Variants in FSTL5 observed in about 807,000 individuals in gnomAD.
FSTL5 encodes the protein follistatin-related protein 5.
FSTL5 carries 62 observed loss-of-function variants against 89.1 expected under a neutral mutation model. The observed-to-expected ratio is 0.70, with a 90% CI of 0.57 to 0.86. The LOEUF (loss-of-function observed/expected upper bound fraction) is 0.86. Ranked by LOEUF, FSTL5 falls within the 40% of genes least tolerant of loss-of-function variation. FSTL5 has a pLI of 0.00. For missense variants in FSTL5, 1,057 were observed against 1,001.6 expected, an observed-to-expected ratio of 1.06 and a Z score of -0.75; for synonymous variants, 383 against 346.2, an observed-to-expected ratio of 1.11 and a Z score of -1.18.
chr4:161,642,992 A>T (rs1209247062), intron 7 of FSTL5, among the ~76,000 whole-genome samples: 3 of 152,166 alleles, frequency 2.0e-5, no homozygotes, highest in African/African-American at 7.2e-5. Flanking sequence ...AATTAGAAAA[A>T]ATCAATTTAA....
chr4:161,741,913 A>G (rs751093643), intron 6 of FSTL5, among the ~76,000 whole-genome samples: 6 of 151,954 alleles, frequency 3.9e-5, no homozygotes, highest in African/African-American at 9.7e-5. Context: ...TGATTTTTTA[A>G]TAAGTAGGCA....
At chr4:161,802,540 C>T (rs1729830828) in intron 4 of FSTL5, among the ~76,000 whole-genome samples, 1 of 151,646 alleles carries the variant, frequency 6.6e-6, no homozygotes, top group South Asian at 2.1e-4. Context: ...CTTCCTAAGT[C>T]TGTATATTTC....
At chr4:161,758,576 TGGC>T (rs748832687) in intron 6 of FSTL5, among the ~76,000 whole-genome samples, 33 of 152,154 alleles carry the variant, frequency 2.2e-4, no homozygotes, top group Non-Finnish European at 4.1e-4. Flanking sequence ...TGGACTGCAA[TGGC>T]GCCATCTTGG....
chr4:161,417,499 T>C (rs779345180), intron 15 of FSTL5, among the ~76,000 whole-genome samples: 11 of 152,242 alleles, frequency 7.2e-5, no homozygotes, highest in South Asian at 2.1e-4. Flanking sequence ...CCTCTTTTCA[T>C]AGTGTGCTGT....
chr4:161,980,438 T>C (rs965050568), intron 3 of FSTL5, among the ~76,000 whole-genome samples: 3 of 152,138 alleles, frequency 2.0e-5, no homozygotes, highest in African/African-American at 7.2e-5. Context: ...CCCTGGCACA[T>C]GTTCTTTTGT....
intron 6 of FSTL5, among the ~76,000 whole-genome samples, chr4:161,718,364 T>C (rs1193080164): frequency 1.3e-5 from 2 of 152,184 alleles, no homozygotes; most frequent in African/African-American, 4.8e-5. Context: ...TTTATATTAT[T>C]CATTAAATTG....
At chr4:161,795,925 G>T (rs1223058145) in intron 4 of FSTL5, among the ~76,000 whole-genome samples, 5 of 151,704 alleles carry the variant, frequency 3.3e-5, no homozygotes, top group Admixed American at 3.3e-4. Context: ...GGCTTTTGGG[G>T]GTCTTTTTTG....
At chr4:161,574,782 A>G (rs180982153) in intron 8 of FSTL5, among the ~76,000 whole-genome samples, 18 of 152,236 alleles carry the variant, frequency 1.2e-4, no homozygotes, top group African/African-American at 4.3e-4. Flanking sequence ...AGTCTTTGCT[A>G]TTGTAAATAG....
intron 7 of FSTL5, among the ~76,000 whole-genome samples, chr4:161,635,491 TAAAA>T (rs34085655): frequency 2.1e-4 from 32 of 150,288 alleles, no homozygotes; most frequent in Non-Finnish European, 3.4e-4. Context: ...TGTTACAAAT[TAAAA>T]AAAAAAAAAA....
chr4:161,597,381 A>C (rs1313599061), intron 7 of FSTL5, among the ~76,000 whole-genome samples: 1 of 151,332 alleles, frequency 6.6e-6, no homozygotes, highest in South Asian at 2.1e-4. Context: ...TCCCAAGGAC[A>C]AAAAACCAAA....
intron 3 of FSTL5, among the ~76,000 whole-genome samples, chr4:161,968,079 C>T (rs2111004298): frequency 6.6e-6 from 1 of 151,808 alleles, no homozygotes; most frequent in African/African-American, 2.4e-5. Flanking sequence ...TGGTGTATTT[C>T]TGACTTTGTT....
At chr4:161,911,405 CT>C (rs1247842949) in intron 4 of FSTL5, among the ~76,000 whole-genome samples, 1 of 151,868 alleles carries the variant, frequency 6.6e-6, no homozygotes, top group Non-Finnish European at 1.5e-5. Context: ...GAGAGTAAAT[CT>C]ATTTAAGAAC....
intron 12 of FSTL5, among the ~76,000 whole-genome samples, chr4:161,496,463 C>G (rs967057024): frequency 5.9e-5 from 9 of 152,100 alleles, no homozygotes; most frequent in Non-Finnish European, 1.2e-4. Flanking sequence ...TTCCTCTAAT[C>G]AGTTGAAGGA....
intron 8 of FSTL5, among the ~76,000 whole-genome samples, chr4:161,563,044 G>T (rs373880948): frequency 6.6e-6 from 1 of 151,916 alleles, no homozygotes; most frequent in Non-Finnish European, 1.5e-5. Context: ...CAACATGTGT[G>T]GGCTACAAGG....
At chr4:162,021,393 C>T (rs1737080303) in intron 3 of FSTL5, among the ~76,000 whole-genome samples, 1 of 152,098 alleles carries the variant, frequency 6.6e-6, no homozygotes, top group Non-Finnish European at 1.5e-5. Flanking sequence ...ATTTAATCTC[C>T]AAGACTCATT....
At chr4:162,101,622 T>A (rs1323158684) in intron 2 of FSTL5, among the ~76,000 whole-genome samples, 1 of 152,206 alleles carries the variant, frequency 6.6e-6, no homozygotes, top group Non-Finnish European at 1.5e-5. Flanking sequence ...TCTACTATTT[T>A]ATAAAACTCA....
chr4:162,120,059 A>C (rs13134589), intron 1 of FSTL5, among the ~76,000 whole-genome samples: 44,059 of 151,906 alleles, frequency 0.29, 6,559 homozygotes, highest in Middle Eastern at 0.37. Flanking sequence ...AAAGGAGAAA[A>C]TTTTTCTTCA....
intron 15 of FSTL5, among the ~76,000 whole-genome samples, chr4:161,445,896 T>C (rs2126378970): frequency 6.6e-6 from 1 of 152,108 alleles, no homozygotes; most frequent in South Asian, 2.1e-4. Flanking sequence ...AACATTGTAC[T>C]AGAAAAAGTA....
chr4:161,473,782 C>T (rs1050754838), intron 13 of FSTL5, among the ~76,000 whole-genome samples: 8 of 152,044 alleles, frequency 5.3e-5, no homozygotes, highest in Non-Finnish European at 1.0e-4. Flanking sequence ...GTTACCTCTC[C>T]GTTTTGGTTA....
Sources: gnomAD v4.1 joint callset for allele counts (sites outside exome capture counted in the v4.1 genomes callset) on GRCh38, gnomAD v4.1.1 for gene constraint, MANE v1.5 for transcripts, NCBI Gene and HGNC (gene_info 2026-07-23, HGNC 2026-07-21) for gene names.